Variants in GALNT13 observed in about 807,000 individuals in gnomAD.
GALNT13 encodes polypeptide N-acetylgalactosaminyltransferase 13, also known as UDP-GalNAc:polypeptide N-acetylgalactosaminyltransferase 13.
A neutral mutation model predicts 64.2 loss-of-function variants in GALNT13; 28 were observed. The ratio of observed to expected loss-of-function variants is 0.44; its 90% CI spans 0.32 to 0.60. The LOEUF is 0.60. Among genes scored for constraint, GALNT13 ranks in the 20% least tolerant of loss-of-function variants. The probability of loss-of-function intolerance (pLI) is 0.05; values close to 1 mark genes in which losing one functional copy is unlikely to be tolerated. For missense variants in GALNT13, 577 were observed against 669.8 expected (o/e 0.86, Z 1.53); for synonymous variants, 214 against 224.6 (o/e 0.95, Z 0.42).
At chr2:153,636,237 C>A in the GALNT13 span, among the ~76,000 whole-genome samples, 1 of 152,064 alleles carries the variant, frequency 6.6e-6, no homozygotes, top group African/African-American at 2.4e-5. Context: ...CTAAGACAAG[C>A]AATTACCTAG....
the GALNT13 span, among the ~76,000 whole-genome samples, chr2:153,257,943 C>T: frequency 6.6e-6 from 1 of 152,152 alleles, no homozygotes; most frequent in African/African-American, 2.4e-5. Context: ...TCATACCATT[C>T]CCTGTACAAG....
At chr2:153,538,388 TTTATTTTATTTTA>T in the GALNT13 span, among the ~76,000 whole-genome samples, 3 of 145,486 alleles carry the variant, frequency 2.1e-5, no homozygotes, top group African/African-American at 7.5e-5. Context: ...TTTATTTTAT[TTTATTTTATTTTA>T]TTATTATACT....
At chr2:153,900,247 A>G (rs1343869140) in intron 1 of GALNT13, among the ~76,000 whole-genome samples, 1 of 152,186 alleles carries the variant, frequency 6.6e-6, no homozygotes, top group Non-Finnish European at 1.5e-5. Flanking sequence ...AATTTGAAAT[A>G]TTTTGAGATT....
At chr2:153,454,171 A>G in the GALNT13 span, among the ~76,000 whole-genome samples, 1 of 152,168 alleles carries the variant, frequency 6.6e-6, no homozygotes, top group Non-Finnish European at 1.5e-5. Flanking sequence ...ATTCAGTACT[A>G]TGCTCAGTAC....
chr2:153,954,716 G>T (rs7563342), intron 3 of GALNT13, among the ~76,000 whole-genome samples: 30 of 151,670 alleles, frequency 2.0e-4, no homozygotes, highest in African/African-American at 6.8e-4. Flanking sequence ...TTAAAAGGAG[G>T]TACTATTATT....
At chr2:153,369,151 G>T in the GALNT13 span, among the ~76,000 whole-genome samples, 2 of 151,984 alleles carry the variant, frequency 1.3e-5, no homozygotes, top group African/African-American at 2.4e-5. Flanking sequence ...CTATCAAAAT[G>T]TGTTTGTACC....
the GALNT13 span, among the ~76,000 whole-genome samples, chr2:153,528,126 T>G: frequency 1.3e-5 from 2 of 151,704 alleles, no homozygotes; most frequent in African/African-American, 4.8e-5. Flanking sequence ...TCAAAAGATA[T>G]AGAATGGTTG....
intron 3 of GALNT13, among the ~76,000 whole-genome samples, chr2:154,056,321 A>G (rs1045019252): frequency 1.3e-5 from 2 of 152,162 alleles, no homozygotes; most frequent in African/African-American, 4.8e-5. Flanking sequence ...TTTAAGTAAT[A>G]TTAGACATCT....
chr2:153,301,299 G>C, the GALNT13 span, among the ~76,000 whole-genome samples: 1 of 17,578 alleles, frequency 5.7e-5, no homozygotes, highest in Non-Finnish European at 1.5e-4. Flanking sequence ...GACAGAGTGA[G>C]ACTCCTTCTC....
chr2:153,148,973 G>A, the GALNT13 span, among the ~76,000 whole-genome samples: 7 of 151,920 alleles, frequency 4.6e-5, no homozygotes, highest in South Asian at 8.3e-4. Flanking sequence ...TTGATCTGGG[G>A]AAGGAAGCTT....
chr2:153,283,620 C>T, the GALNT13 span, among the ~76,000 whole-genome samples: 1 of 152,134 alleles, frequency 6.6e-6, no homozygotes, highest in African/African-American at 2.4e-5. Flanking sequence ...ACCACGATCT[C>T]TTCACAGGTA....
the GALNT13 span, among the ~76,000 whole-genome samples, chr2:153,382,883 T>C: frequency 6.6e-6 from 1 of 152,124 alleles, no homozygotes; most frequent in East Asian, 1.9e-4. Flanking sequence ...TGAAGTATAA[T>C]AGATTATTAA....
intron 2 of GALNT13, among the ~76,000 whole-genome samples, chr2:153,902,162 T>C (rs966462982): frequency 1.3e-5 from 2 of 152,112 alleles, no homozygotes; most frequent in African/African-American, 4.8e-5. Flanking sequence ...ACATTTTATC[T>C]GGGGACATTT....
At chr2:154,024,931 G>T (rs1455462568) in intron 3 of GALNT13, among the ~76,000 whole-genome samples, 1 of 152,160 alleles carries the variant, frequency 6.6e-6, no homozygotes, top group African/African-American at 2.4e-5. Flanking sequence ...CTCAGCTGCA[G>T]GTCTGTTGGA....
chr2:153,302,926 C>T, the GALNT13 span, among the ~76,000 whole-genome samples: 1 of 152,056 alleles, frequency 6.6e-6, no homozygotes, highest in Non-Finnish European at 1.5e-5. Context: ...AGGCCAATAC[C>T]ATGTGTTTTT....
intron 10 of GALNT13, among the ~76,000 whole-genome samples, chr2:154,399,190 G>C (rs1415750600): frequency 6.6e-6 from 1 of 152,166 alleles, no homozygotes; most frequent in Admixed American, 6.5e-5. Context: ...GGCTGAGGCA[G>C]TAGTATGGCT....
chr2:153,315,046 G>A, the GALNT13 span, among the ~76,000 whole-genome samples: 7 of 152,068 alleles, frequency 4.6e-5, no homozygotes, highest in African/African-American at 9.7e-5. Flanking sequence ...TGTCATGGAA[G>A]TACTAATGAT....
intron 3 of GALNT13, among the ~76,000 whole-genome samples, chr2:154,111,552 G>A (rs1195237175): frequency 6.6e-6 from 1 of 152,126 alleles, no homozygotes; most frequent in Non-Finnish European, 1.5e-5. Context: ...CCTGGTGGCA[G>A]CATTCCTCCC....
intron 7 of GALNT13, among the ~76,000 whole-genome samples, chr2:154,255,730 C>A (rs192200921): frequency 1.7e-3 from 255 of 152,122 alleles, no homozygotes; most frequent in African/African-American, 6.0e-3. Context: ...CCTTGATCCC[C>A]AGATGGTTGA....
Sources: allele counts gnomAD v4.1 joint callset (sites outside exome capture counted in the v4.1 genomes callset), GRCh38; gene constraint gnomAD v4.1.1; transcripts MANE v1.5; gene names NCBI Gene and HGNC (gene_info 2026-07-23, HGNC 2026-07-21).